Variants in PGAP2 observed in about 807,000 individuals in gnomAD.
The protein encoded by PGAP2 is acyltransferase PGAP2.
A neutral mutation model predicts 33.2 loss-of-function variants in PGAP2; 21 were observed. The ratio of observed to expected loss-of-function variants is 0.63; its 90% CI spans 0.45 to 0.91. The LOEUF (loss-of-function observed/expected upper bound fraction) is 0.91, where lower values mean the gene tolerates loss of function less well. Among genes scored for constraint, PGAP2 ranks in the 40% least tolerant of loss-of-function variants. PGAP2 has a pLI of 0.00. For missense variants in PGAP2, 345 were observed against 424.0 expected (o/e 0.81, Z 1.64); for synonymous variants, 161 against 172.9 (o/e 0.93, Z 0.54).
In PGAP2 at chr11:3,811,660, T is replaced by C. The variant is rs973251393; in HGVS notation, c.165+236T>C. ...ATAGAGTCAGTAAATGAATTACAAG[T>C]ATAACAGAGTTTGACACATGTCCCA... On this transcript the variant is annotated intron_variant, in intron 2 of 6. Transcript: ENST00000278243. This position sits in a 1 kb window ranked among gnomAD's most constrained non-coding sequence, Gnocchi z 4.6. Among the ~76,000 whole-genome samples the C allele has an allele frequency of 6.6e-6, 1 of 152,092 alleles. No homozygotes were observed. Among genetic ancestry groups the C allele is most frequent in the African/African-American group, 2.4e-5 (1 of 41,404 alleles).
intron 6 of PGAP2, 47 bp downstream of exon 6, chr11:3,825,175 C>T: frequency 3.1e-6 from 5 of 1,594,198 alleles, no homozygotes; most frequent in Non-Finnish European, 4.3e-6. Flanking sequence ...GGCTGCGGGG[C>T]AGCAATGATG....
chr11:3,822,896 CT>C, intron 3 of PGAP2: 3 of 1,451,120 alleles, frequency 2.1e-6, no homozygotes, highest in East Asian at 2.5e-5. Flanking sequence ...TTATCTTCTC[CT>C]TTTTCCTTAA....
intron 1 of PGAP2, among the ~76,000 whole-genome samples, chr11:3,810,681 G>GCCA (rs1281784048): frequency 1.3e-5 from 2 of 152,216 alleles, no homozygotes; most frequent in Non-Finnish European, 2.9e-5. Flanking sequence ...GACAAGCAGG[G>GCCA]GGCTTGGGGT....
Position 3,799,288 on chromosome 11 carries a change from A to G in PGAP2, c.139+1306A>G, listed in dbSNP as rs190905429. Among the ~76,000 whole-genome samples the G allele has an allele frequency of 2.9e-3, 447 of 152,332 alleles. 4 individuals are homozygous for G. Among genetic ancestry groups the G allele is most frequent in the Non-Finnish European group, 4.8e-3 (324 of 68,036 alleles). ...GCTGGTGGCTCATGCCTGTAATCCC[A>G]GCACTTTGGGATGCTGAGGCGGGCA... On this transcript the variant is annotated intron_variant, in intron 1 of 6. Transcript: ENST00000300730.
In PGAP2 at chr11:3,808,641, C is replaced by T. The variant is rs931858056; in HGVS notation, c.-21C>T. The T allele has an allele frequency of 5.8e-5, 74 of 1,280,652 alleles. No homozygotes were observed. The highest frequency in any genetic ancestry group is 7.2e-5 in the Non-Finnish European group (73 of 1,008,974). 79.3% of individuals were successfully genotyped at this position (1,280,652 alleles called of 1,614,324 possible). A position where few individuals can be genotyped will look rare whatever the true frequency, so the allele number is the denominator to read the frequency against. ...CCGGGTTCCGCCGGCACTCTCGCCACCACCGCGTGGGTGAGTATGGGCATG... is the reference window on the plus strand; with the variant it reads ...CCGGGTTCCGCCGGCACTCTCGCCATCACCGCGTGGGTGAGTATGGGCATG... On this transcript the variant is annotated 5_prime_UTR_variant, in exon 1 of 7. Transcript: ENST00000278243.
intron 2 of PGAP2, among the ~76,000 whole-genome samples, chr11:3,812,417 G>C: frequency 6.6e-6 from 1 of 152,154 alleles, no homozygotes; most frequent in East Asian, 1.9e-4. Flanking sequence ...GACATAGTGA[G>C]ACCCCCATTT....
intron 3 of PGAP2, chr11:3,817,772 C>A: frequency 1.5e-6 from 1 of 656,642 alleles, no homozygotes; most frequent in South Asian, 1.5e-5. Flanking sequence ...AGATGACGGG[C>A]GCAGTGGCTC....
At chr11:3,802,430 T>C (rs1008732975) in intron 1 of PGAP2, among the ~76,000 whole-genome samples, 3 of 152,204 alleles carry the variant, frequency 2.0e-5, no homozygotes, top group Non-Finnish European at 4.4e-5. Flanking sequence ...ATCTTCCTTC[T>C]TCCGTTCTAA....
chr11:3,816,624 G>T (rs973759098), intron 2 of PGAP2, among the ~76,000 whole-genome samples: 1 of 152,180 alleles, frequency 6.6e-6, no homozygotes, highest in African/African-American at 2.4e-5. Context: ...TCCTCAGAGA[G>T]GGAGGAGATG....
At chr11:3,819,498 G>C (rs2087984983) in intron 3 of PGAP2, among the ~76,000 whole-genome samples, 1 of 152,024 alleles carries the variant, frequency 6.6e-6, no homozygotes, top group African/African-American at 2.4e-5. Context: ...GCGGGGGACA[G>C]TACGGTAGCT....
chr11:3,824,788 C>A, intron 5 of PGAP2: 1 of 1,432,052 alleles, frequency 7.0e-7, no homozygotes, highest in Non-Finnish European at 9.1e-7. Flanking sequence ...TACTCCATCC[C>A]CCTGAAGTGG....
chr11:3,817,271 G>A (rs1409071068), intron 2 of PGAP2, 82 bp from the exon 3 acceptor site: 6 of 1,046,674 alleles, frequency 5.7e-6, no homozygotes, highest in Non-Finnish European at 8.6e-6. Flanking sequence ...TATACTCTGA[G>A]GAGCCATCTC....
At position 3,817,475 on chromosome 11, in the gene PGAP2, C is replaced by G. The variant is rs1168814644; in HGVS notation, c.288C>G (p.Phe96Leu). The G allele has an allele frequency of 1.9e-6, 3 of 1,614,188 alleles. No homozygotes were observed. Among genetic ancestry groups the G allele is most frequent in the East Asian group, 2.2e-5 (1 of 44,884 alleles). Residue 96 changes from phenylalanine to leucine, a missense_variant, in exon 3 of 7, where the codon TTC becomes TTG. Transcript: ENST00000278243. ...TCACTTTTCCTGTGTTCGGCTTCTT[C>G]TTCTGCATCATCTGGTCCCTGGTGT... ...WAITFPVFGF[F>L]FCIIWSLVFH...
At chr11:3,807,197 C>G (rs182738830), upstream of PGAP2, among the ~76,000 whole-genome samples, 63 of 144,180 alleles carry the variant, frequency 4.4e-4, no homozygotes, top group Admixed American at 2.0e-3. Flanking sequence ...ATTAGCTGGG[C>G]GCAGTAGCGG....
chr11:3,817,340 T>C lies in PGAP2; in HGVS notation c.166-13T>C. ...CCTACCAGGCCCCAAGTTGTATCCCTCGTGCTGCTTAGGCCACGCCCTGCA... is the reference window on the plus strand; with the variant it reads ...CCTACCAGGCCCCAAGTTGTATCCCCCGTGCTGCTTAGGCCACGCCCTGCA... On this transcript the variant is annotated splice_polypyrimidine_tract_variant and intron_variant, in intron 2 of 6. Coordinates refer to ENST00000278243, the MANE Select transcript of PGAP2 (RefSeq NM_014489.4). The C allele has an allele frequency of 6.2e-7, 1 of 1,604,410 alleles. No individual in the cohort carries two copies. The highest frequency in any genetic ancestry group is 8.5e-7 in the Non-Finnish European group (1 of 1,174,630).
chr11:3,824,960 G>C (rs2089749368), intron 5 of PGAP2, 60 bp from the exon 6 acceptor site: 12 of 1,608,902 alleles, frequency 7.5e-6, no homozygotes, highest in Non-Finnish European at 9.3e-6. Flanking sequence ...AGGGCTGAGA[G>C]GGGAGCCCAC....
chr11:3,811,101 A>T lies in PGAP2; in HGVS notation c.-10-149A>T. Reference sequence around the variant, plus strand: ...TGAGTCAGTCTTCCTCATCCAGGGCAAGAGCTATCCAAGTTTAGGTGCCTT... The same window carrying T: ...TGAGTCAGTCTTCCTCATCCAGGGCTAGAGCTATCCAAGTTTAGGTGCCTT... On this transcript the variant is annotated intron_variant, in intron 1 of 6. Transcript: ENST00000278243. This position sits in a 1 kb window ranked among gnomAD's most constrained non-coding sequence, Gnocchi z 4.6. The T allele has an allele frequency of 1.6e-6, 1 of 611,404 alleles. No individual in the cohort carries two copies. The highest frequency in any genetic ancestry group is 3.0e-5 in the Admixed American group (1 of 33,158). 37.9% of individuals were successfully genotyped at this position (611,404 alleles called of 1,614,324 possible). A position where few individuals can be genotyped will look rare whatever the true frequency, so the allele number is the denominator to read the frequency against.
chr11:3,797,763 C>A (rs2082761044), upstream of PGAP2: 3 of 1,497,194 alleles, frequency 2.0e-6, no homozygotes, highest in South Asian at 3.7e-5. Flanking sequence ...GTGAGAGGGC[C>A]GTGGAGTCCC....
intron 2 of PGAP2, among the ~76,000 whole-genome samples, chr11:3,814,506 C>T (rs376087624): frequency 6.6e-6 from 1 of 152,148 alleles, no homozygotes. Context: ...ATCCACCTGC[C>T]TTGGCCTCCC....
Sources: gnomAD v4.1 joint callset for allele counts (sites outside exome capture counted in the v4.1 genomes callset) on GRCh38, gnomAD v4.1.1 for gene constraint, Gnocchi (gnomAD v3.1) non-coding constraint, MANE v1.5 for transcripts, NCBI Gene and HGNC (gene_info 2026-07-23, HGNC 2026-07-21) for gene names.